SAMMSON: variants seen among roughly 807,000 people sequenced by gnomAD.
The protein encoded by SAMMSON is long intergenic non-protein coding RNA 1212.
chr3:70,248,939 C>G (rs1701733731), intron 4 of SAMMSON, among the ~76,000 whole-genome samples: 1 of 152,100 alleles, frequency 6.6e-6, no homozygotes, highest in African/African-American at 2.4e-5. Flanking sequence ...GACATTATTC[C>G]AATTGACAAC....
chr3:70,239,680 A>G (rs981769028), intron 4 of SAMMSON, among the ~76,000 whole-genome samples: 1 of 152,112 alleles, frequency 6.6e-6, no homozygotes, highest in African/African-American at 2.4e-5. Context: ...AGGGCCGATC[A>G]TCTCTCAAGT....
At chr3:70,104,282 G>A (rs1007278039) in intron 4 of SAMMSON, among the ~76,000 whole-genome samples, 3 of 150,132 alleles carry the variant, frequency 2.0e-5, no homozygotes, top group Non-Finnish European at 4.4e-5. Flanking sequence ...TTTTTCCTAC[G>A]CTGCGATACT....
At chr3:70,040,231 G>T (rs6799525) in intron 3 of SAMMSON, among the ~76,000 whole-genome samples, 62,594 of 151,958 alleles carry the variant, frequency 0.41, 13,428 homozygotes, top group East Asian at 0.61. Flanking sequence ...ACAGAAAGCA[G>T]ATATATGTCA....
downstream of SAMMSON, among the ~76,000 whole-genome samples, chr3:70,390,089 GT>G (rs1434222682): frequency 6.6e-6 from 1 of 151,986 alleles, no homozygotes; most frequent in Non-Finnish European, 1.5e-5. Context: ...TTTAAAGACA[GT>G]ACAGACTTGT....
chr3:70,066,044 C>T (rs992492190), intron 3 of SAMMSON, among the ~76,000 whole-genome samples: 1 of 152,014 alleles, frequency 6.6e-6, no homozygotes. Context: ...TTAAGCATAG[C>T]CCTTAAGGAA....
intron 6 of SAMMSON, among the ~76,000 whole-genome samples, chr3:70,283,163 A>G (rs1226599400): frequency 1.3e-5 from 2 of 152,138 alleles, no homozygotes; most frequent in Non-Finnish European, 2.9e-5. Context: ...GGTGGTTGTG[A>G]GCATAAGCAG....
At chr3:70,297,585 G>T (rs963247334) in intron 7 of SAMMSON, among the ~76,000 whole-genome samples, 2 of 151,916 alleles carry the variant, frequency 1.3e-5, no homozygotes, top group Non-Finnish European at 2.9e-5. Flanking sequence ...TTGTGTTATC[G>T]GAATTCTTTG....
chr3:70,365,599 A>C (rs190148105), intron 9 of SAMMSON, among the ~76,000 whole-genome samples: 1 of 151,860 alleles, frequency 6.6e-6, no homozygotes, highest in Non-Finnish European at 1.5e-5. Flanking sequence ...AGTCCAGTGA[A>C]CATTTATGTT....
At chr3:70,226,436 C>G (rs1701507575) in intron 4 of SAMMSON, among the ~76,000 whole-genome samples, 1 of 152,070 alleles carries the variant, frequency 6.6e-6, no homozygotes, top group Non-Finnish European at 1.5e-5. Context: ...TTCACTGGAT[C>G]TTTAAAAATT....
chr3:70,019,900 T>C (rs2082517983), intron 3 of SAMMSON, among the ~76,000 whole-genome samples: 2 of 152,202 alleles, frequency 1.3e-5, no homozygotes. Context: ...GTCACACTTA[T>C]TGGCAACTTG....
chr3:70,391,501 T>G (rs1701048273), downstream of SAMMSON, among the ~76,000 whole-genome samples: 1 of 152,148 alleles, frequency 6.6e-6, no homozygotes, highest in Non-Finnish European at 1.5e-5. Context: ...TTCTCGGTAC[T>G]TGTAGGAAAA....
At chr3:70,058,744 G>A (rs758541902) in intron 3 of SAMMSON, among the ~76,000 whole-genome samples, 34 of 152,036 alleles carry the variant, frequency 2.2e-4, no homozygotes, top group Admixed American at 9.2e-4. Context: ...GCCTGCAATT[G>A]ATCACTTGCT....
chr3:70,359,764 AT>A (rs551732733), intron 9 of SAMMSON, among the ~76,000 whole-genome samples: 17 of 152,064 alleles, frequency 1.1e-4, no homozygotes, highest in Non-Finnish European at 2.1e-4. Context: ...TAATTAGATT[AT>A]TTTTTGTTTT....
At chr3:70,373,026 A>G (rs1188135077) in intron 9 of SAMMSON, among the ~76,000 whole-genome samples, 4 of 152,226 alleles carry the variant, frequency 2.6e-5, no homozygotes, top group Non-Finnish European at 4.4e-5. Flanking sequence ...ACTGTCAAAC[A>G]TAATTCAGAA....
chr3:70,104,566 A>C (rs1339898298), intron 4 of SAMMSON, among the ~76,000 whole-genome samples: 2 of 152,160 alleles, frequency 1.3e-5, no homozygotes, highest in African/African-American at 4.8e-5. Flanking sequence ...GAACACCCCC[A>C]AGGGAAAAGG....
At chr3:70,170,814 G>A (rs958481884) in intron 4 of SAMMSON, among the ~76,000 whole-genome samples, 1 of 151,832 alleles carries the variant, frequency 6.6e-6, no homozygotes, top group Admixed American at 6.6e-5. Context: ...AGCGAGTGCA[G>A]AGATGTTTTG....
At chr3:70,095,675 G>A (rs898451555) in intron 4 of SAMMSON, among the ~76,000 whole-genome samples, 2 of 152,144 alleles carry the variant, frequency 1.3e-5, no homozygotes, top group African/African-American at 4.8e-5. Context: ...AATATAGACA[G>A]TAATGGTTCT....
chr3:70,227,507 G>A (rs1286248399), intron 4 of SAMMSON, among the ~76,000 whole-genome samples: 1 of 152,144 alleles, frequency 6.6e-6, no homozygotes, highest in Non-Finnish European at 1.5e-5. Context: ...GAACAATTTC[G>A]ATAGAGGGAC....
chr3:70,045,373 ATACC>A (rs1477063174), intron 3 of SAMMSON, among the ~76,000 whole-genome samples: 3 of 151,180 alleles, frequency 2.0e-5, no homozygotes, highest in Non-Finnish European at 4.4e-5. Flanking sequence ...TAAGTAATTA[ATACC>A]TTTAAAAGCA....
Sources: allele counts gnomAD v4.1 joint callset (sites outside exome capture counted in the v4.1 genomes callset), GRCh38; gene constraint gnomAD v4.1.1; transcripts MANE v1.5; gene names NCBI Gene and HGNC (gene_info 2026-07-23, HGNC 2026-07-21).